The following C19orf84 variants were observed in gnomAD, a reference collection of about 807,000 sequenced individuals.
The protein encoded by C19orf84 is piRNA-mediated silencing protein C19orf84.
A neutral mutation model predicts 4.0 loss-of-function variants in C19orf84; 1 was observed. The ratio of observed to expected loss-of-function variants is 0.25; its 90% CI spans 0.09 to 1.19. The LOEUF (loss-of-function observed/expected upper bound fraction) is 1.19. C19orf84 is among the 50% of genes most tolerant of loss of function. The pLI, the probability that C19orf84 is intolerant of heterozygous loss-of-function variation, is 0.50. For synonymous variants in C19orf84, 123 were observed against 109.6 expected, an observed-to-expected ratio of 1.12 and a Z score of -0.76; for missense variants, 224 against 246.8, an observed-to-expected ratio of 0.91 and a Z score of 0.62.
chr19:51,390,562 C>T lies in C19orf84; in HGVS notation c.-50G>A, dbSNP rs1417630633. The T allele has an allele frequency of 1.0e-5, 15 of 1,506,274 alleles. No individual in the cohort carries two copies. The highest frequency in any genetic ancestry group is 1.2e-5 in the Non-Finnish European group (14 of 1,129,732). 93.3% of individuals were successfully genotyped at this position (1,506,274 alleles called of 1,614,324 possible). ...CTTCTAGCAACTTCGCCTCCGAGAT[C>T]CTTCGGGGGCCCGGGAAGGTTGGGG... On this transcript the variant is annotated 5_prime_UTR_variant, in exon 1 of 2. Coordinates refer to ENST00000574814, the MANE Select transcript of C19orf84 (RefSeq NM_001193623.2).
Position 51,388,824 on chromosome 19 carries a change from C to G in C19orf84, c.*160G>C, listed in dbSNP as rs1371634014. ...ATTCAGGTGACTTAGGTCAGGTTCA[C>G]CAAGTGCCTCACAGGAGCTACTCCT... On this transcript the variant is annotated 3_prime_UTR_variant, in exon 2 of 2. Coordinates refer to ENST00000574814, the MANE Select transcript of C19orf84 (RefSeq NM_001193623.2). The G allele has an allele frequency of 2.2e-5, 17 of 783,946 alleles. No homozygotes were observed. The highest frequency in any genetic ancestry group is 3.0e-5 in the Non-Finnish European group (15 of 505,652). 48.6% of individuals were successfully genotyped at this position (783,946 alleles called of 1,614,324 possible). A position where few individuals can be genotyped will look rare whatever the true frequency, so the allele number is the denominator to read the frequency against.
In C19orf84 at chr19:51,388,711, T is replaced by G; in HGVS notation, c.*273A>C. On this transcript the variant is annotated 3_prime_UTR_variant, in exon 2 of 2. Coordinates refer to ENST00000574814, the MANE Select transcript of C19orf84 (RefSeq NM_001193623.2). ...TTGAGAATGAGGTAAGGATTGTGGT[T>G]GTGGTTGGGGATGGCATTGGGAATG... The G allele has an allele frequency of 5.9e-6, 3 of 507,260 alleles. No individual in the cohort carries two copies. The highest frequency in any genetic ancestry group is 3.5e-6 in the Non-Finnish European group (1 of 283,644). The allele number at this position is 507,260 out of a possible 1,614,324, so 31.4% of individuals were successfully genotyped here. A position where few individuals can be genotyped will look rare whatever the true frequency, so the allele number is the denominator to read the frequency against.
At position 51,390,573 on chromosome 19, in the gene C19orf84, C is replaced by T. The variant is rs1987288302; in HGVS notation, c.-61G>A. Reference sequence around the variant, plus strand: ...TTCGCCTCCGAGATCCTTCGGGGGCCCGGGAAGGTTGGGGAGGGGCCGAGG... The same window carrying T: ...TTCGCCTCCGAGATCCTTCGGGGGCTCGGGAAGGTTGGGGAGGGGCCGAGG... On this transcript the variant is annotated 5_prime_UTR_variant, in exon 1 of 2. Coordinates refer to ENST00000574814, the MANE Select transcript of C19orf84 (RefSeq NM_001193623.2). 1.3e-6 allele frequency: 2 copies of T among 1,495,282 alleles called. No homozygotes were observed. Among genetic ancestry groups the T allele is most frequent in the Non-Finnish European group, 1.8e-6 (2 of 1,122,250 alleles). The allele number at this position is 1,495,282 out of a possible 1,614,324, so 92.6% of individuals were successfully genotyped here.
rs994872836 is a variant in C19orf84 at position 51,389,134 on chromosome 19, C to A, written c.411G>T (p.Ala137=). Residue 137 remains alanine (A), a synonymous_variant, in exon 2 of 2, where the codon GCG becomes GCT. Transcript: ENST00000574814. The surrounding 1 kb of genome is among the most constrained non-coding windows in gnomAD (Gnocchi z 4.7). ...TCCTGGGGCCAGCCCCAGGGCCCCC[C>A]GCCCGGCCCCTCTCTGGCTGCTCAG... ...GRAEQPERGR[A]GGPGAGPRTP... is the part of the protein sequence containing the mutation. 6.5e-7 allele frequency: 1 copy of A among 1,535,878 alleles called. No individual in the cohort carries two copies. Among genetic ancestry groups the A allele is most frequent in the Admixed American group, 2.0e-5 (1 of 50,992 alleles).
At chr19:51,390,398 G>C in intron 1 of C19orf84, 80 bp downstream of exon 1, 1 of 1,412,008 alleles carries the variant, frequency 7.1e-7, no homozygotes, top group Non-Finnish European at 9.4e-7. Flanking sequence ...TGTTCAGCGC[G>C]CCCTTTCTCT....
At position 51,389,302 on chromosome 19, in the gene C19orf84, G is replaced by A. The variant is rs1388040311; in HGVS notation, c.243C>T (p.Ala81=). 2 of 1,536,040 alleles carry A rather than the reference G, an allele frequency of 1.3e-6. No homozygotes were observed. Among genetic ancestry groups the A allele is most frequent in the East Asian group, 2.4e-5 (1 of 40,902 alleles). The change falls in exon 2 of 2, where the codon GCC becomes GCT. Residue 81 remains alanine (A), a synonymous_variant. Coordinates refer to ENST00000574814, the MANE Select transcript of C19orf84 (RefSeq NM_001193623.2). This position sits in a 1 kb window ranked among gnomAD's most constrained non-coding sequence, Gnocchi z 4.7. ...GGGAGCAGCAGGGGCAAGAGGGCAA[G>A]GCCTGTTGGAAGGTGTAGGCCCCCA... The part of the protein sequence containing the change: ...ALLGAYTFQQ[A]LPSCPCCSQA...
rs928225772 is a variant in C19orf84 at position 51,389,525 on chromosome 19, G to T, written c.36-16C>A. On this transcript the variant is annotated splice_polypyrimidine_tract_variant and intron_variant, in intron 1 of 1. Coordinates refer to ENST00000574814, the MANE Select transcript of C19orf84 (RefSeq NM_001193623.2). This position sits in a 1 kb window ranked among gnomAD's most constrained non-coding sequence, Gnocchi z 4.7. ...CAGGTTGTTCCTAGAACAACAAAAA[G>T]ACAGGTCAGTGGGGCTCAGCGTCTC... The T allele has an allele frequency of 5.1e-5, 72 of 1,410,050 alleles. No individual in the cohort carries two copies. In the Middle Eastern group the frequency reaches 6.2e-4, roughly 12 times the overall value. The allele number at this position is 1,410,050 out of a possible 1,614,324, so 87.3% of individuals were successfully genotyped here.
chr19:51,389,274 C>G lies in C19orf84; in HGVS notation c.271G>C (p.Ala91Pro). 6.5e-7 allele frequency: 1 copy of G among 1,535,854 alleles called. No homozygotes were observed. Among genetic ancestry groups the G allele is most frequent in the Non-Finnish European group, 8.7e-7 (1 of 1,146,738 alleles). The change falls in exon 2 of 2, where the codon GCA becomes CCA. Residue 91 changes from alanine to proline, a missense_variant. Coordinates refer to ENST00000574814, the MANE Select transcript of C19orf84 (RefSeq NM_001193623.2). The surrounding 1 kb of genome is among the most constrained non-coding windows in gnomAD (Gnocchi z 4.7). ...ACTGCCCCCGGCTGGGAGTGGCCTG[C>G]CTGGGAGCAGCAGGGGCAAGAGGGC... ...ALPSCPCCSQ[A>P]GHSQPGAVRR...
In C19orf84 at chr19:51,390,574, C is replaced by T. The variant is rs761080951; in HGVS notation, c.-62G>A. Reference sequence around the variant, plus strand: ...TCGCCTCCGAGATCCTTCGGGGGCCCGGGAAGGTTGGGGAGGGGCCGAGGC... The same window carrying T: ...TCGCCTCCGAGATCCTTCGGGGGCCTGGGAAGGTTGGGGAGGGGCCGAGGC... On this transcript the variant is annotated 5_prime_UTR_variant, in exon 1 of 2. Coordinates refer to ENST00000574814, the MANE Select transcript of C19orf84 (RefSeq NM_001193623.2). 3.3e-5 allele frequency: 50 copies of T among 1,492,994 alleles called. No individual in the cohort carries two copies. The highest frequency in any genetic ancestry group is 1.5e-4 in the South Asian group (12 of 79,290). The allele number at this position is 1,492,994 out of a possible 1,614,324, so 92.5% of individuals were successfully genotyped here. A position where few individuals can be genotyped will look rare whatever the true frequency, so the allele number is the denominator to read the frequency against.
intron 1 of C19orf84, among the ~76,000 whole-genome samples, chr19:51,390,136 G>A (rs774317148): frequency 9.2e-5 from 14 of 151,806 alleles, no homozygotes; most frequent in Non-Finnish European, 1.5e-4. Context: ...GCACCACCAC[G>A]CCCGTCTAAT....
rs920762419 is a variant in C19orf84 at position 51,389,655 on chromosome 19, CTT to C, written c.36-148_36-147del. 8.5e-6 allele frequency: 5 copies of C among 587,284 alleles called. No individual in the cohort carries two copies. Among genetic ancestry groups the C allele is most frequent in the African/African-American group, 7.7e-5 (4 of 52,084 alleles). The allele number at this position is 587,284 out of a possible 1,614,324, so 36.4% of individuals were successfully genotyped here. A position where few individuals can be genotyped will look rare whatever the true frequency, so the allele number is the denominator to read the frequency against. On this transcript the variant is annotated intron_variant, in intron 1 of 1. Transcript: ENST00000574814. The surrounding 1 kb of genome is among the most constrained non-coding windows in gnomAD (Gnocchi z 4.7). ...CTGTGACTTCCTCCCCCGCTTCTCT[CTT>C]TTTGTTTCTAACCCGGGTCTCTCTA...
At position 51,388,811 on chromosome 19, in the gene C19orf84, TAGGTC is replaced by T; in HGVS notation, c.*168_*172del. The T allele has an allele frequency of 4.4e-6, 3 of 689,270 alleles. No individual in the cohort carries two copies. Among genetic ancestry groups the T allele is most frequent in the East Asian group, 2.7e-5 (1 of 36,532 alleles). 42.7% of individuals were successfully genotyped at this position (689,270 alleles called of 1,614,324 possible). On this transcript the variant is annotated 3_prime_UTR_variant, in exon 2 of 2. Transcript: ENST00000574814. ...CTTCTCACTTGGGATTCAGGTGACT[TAGGTC>T]AGGTTCACCAAGTGCCTCACAGGAG...
At position 51,388,892 on chromosome 19, in the gene C19orf84, T is replaced by C; in HGVS notation, c.*92A>G. The C allele has an allele frequency of 1.4e-6, 2 of 1,386,826 alleles. No individual in the cohort carries two copies. Among genetic ancestry groups the C allele is most frequent in the East Asian group, 5.0e-5 (2 of 39,916 alleles). 85.9% of individuals were successfully genotyped at this position (1,386,826 alleles called of 1,614,324 possible). ...GAGAGGGGAGGATGGAAGATGTTTC[T>C]TGGGGTTCTTCTGACAGGGCTGAGA... On this transcript the variant is annotated 3_prime_UTR_variant, in exon 2 of 2. Transcript: ENST00000574814.
chr19:51,390,564 T>A lies in C19orf84; in HGVS notation c.-52A>T. 1 of 1,504,972 alleles carries A rather than the reference T, an allele frequency of 6.6e-7. No individual in the cohort carries two copies. Among genetic ancestry groups the A allele is most frequent in the Non-Finnish European group, 8.9e-7 (1 of 1,128,750 alleles). The allele number at this position is 1,504,972 out of a possible 1,614,324, so 93.2% of individuals were successfully genotyped here. A position where few individuals can be genotyped will look rare whatever the true frequency, so the allele number is the denominator to read the frequency against. On this transcript the variant is annotated 5_prime_UTR_variant, in exon 1 of 2. The change creates a new upstream start codon in the 5' untranslated region. Coordinates refer to ENST00000574814, the MANE Select transcript of C19orf84 (RefSeq NM_001193623.2). Reference sequence around the variant, plus strand: ...TCTAGCAACTTCGCCTCCGAGATCCTTCGGGGGCCCGGGAAGGTTGGGGAG... The same window carrying A: ...TCTAGCAACTTCGCCTCCGAGATCCATCGGGGGCCCGGGAAGGTTGGGGAG...
intron 1 of C19orf84, chr19:51,390,252 C>T (rs1275852021): frequency 7.4e-6 from 3 of 404,810 alleles, no homozygotes; most frequent in East Asian, 7.5e-5. Context: ...GCTGGGATTA[C>T]AGGCATAAGC....
Position 51,388,713 on chromosome 19 carries a change from T to G in C19orf84, c.*271A>C. 2.0e-6 allele frequency: 1 copy of G among 509,940 alleles called. No homozygotes were observed. Among genetic ancestry groups the G allele is most frequent in the Non-Finnish European group, 3.5e-6 (1 of 285,094 alleles). The allele number at this position is 509,940 out of a possible 1,614,324, so 31.6% of individuals were successfully genotyped here. A position where few individuals can be genotyped will look rare whatever the true frequency, so the allele number is the denominator to read the frequency against. ...GAGAATGAGGTAAGGATTGTGGTTG[T>G]GGTTGGGGATGGCATTGGGAATGGG... is the stretch of plus-strand genomic sequence containing the variant. On this transcript the variant is annotated 3_prime_UTR_variant, in exon 2 of 2. Transcript: ENST00000574814.
chr19:51,388,887 G>A lies in C19orf84; in HGVS notation c.*97C>T, dbSNP rs1987182055. The A allele has an allele frequency of 1.5e-6, 2 of 1,355,784 alleles. No individual in the cohort carries two copies. The highest frequency in any genetic ancestry group is 1.4e-5 in the South Asian group (1 of 71,088). 84.0% of individuals were successfully genotyped at this position (1,355,784 alleles called of 1,614,324 possible). ...TTGGGGAGAGGGGAGGATGGAAGAT[G>A]TTTCTTGGGGTTCTTCTGACAGGGC... On this transcript the variant is annotated 3_prime_UTR_variant, in exon 2 of 2. Transcript: ENST00000574814.
Position 51,389,588 on chromosome 19 carries a change from ACCTC to A in C19orf84, c.36-83_36-80del. 2 of 1,242,612 alleles carry A rather than the reference ACCTC, an allele frequency of 1.6e-6. No individual in the cohort carries two copies. Among genetic ancestry groups the A allele is most frequent in the Non-Finnish European group, 2.1e-6 (2 of 964,394 alleles). The allele number at this position is 1,242,612 out of a possible 1,614,324, so 77.0% of individuals were successfully genotyped here. A position where few individuals can be genotyped will look rare whatever the true frequency, so the allele number is the denominator to read the frequency against. On this transcript the variant is annotated intron_variant, in intron 1 of 1. Coordinates refer to ENST00000574814, the MANE Select transcript of C19orf84 (RefSeq NM_001193623.2). The surrounding 1 kb of genome is among the most constrained non-coding windows in gnomAD (Gnocchi z 4.7). Reference sequence around the variant, plus strand: ...TTTCTCGCTGCCAGGCTGTCTCTGCACCTCTGCAGAAGGCAGCCATCTCTCCATC... The same window carrying A: ...TTTCTCGCTGCCAGGCTGTCTCTGCATGCAGAAGGCAGCCATCTCTCCATC...
rs914067388 is a variant in C19orf84 at position 51,389,488 on chromosome 19, T to A, written c.57A>T (p.Ser19=). ...GPEGNNLSLP[S]SGTEPWPPAP... is the part of the protein sequence containing the mutation. The stretch of plus-strand genomic sequence containing the variant: ...CAGGGGGCCATGGCTCGGTCCCAGA[T>A]GACGGCAGGGACAGGTTGTTCCTAG... The change falls in exon 2 of 2, where the codon TCA becomes TCT. Residue 19 remains serine, a synonymous_variant. Transcript: ENST00000574814. This position sits in a 1 kb window ranked among gnomAD's most constrained non-coding sequence, Gnocchi z 4.7. The A allele has an allele frequency of 3.5e-6, 5 of 1,430,738 alleles. No homozygotes were observed. The highest frequency in any genetic ancestry group is 2.9e-5 in the African/African-American group (2 of 69,576). The allele number at this position is 1,430,738 out of a possible 1,614,324, so 88.6% of individuals were successfully genotyped here.
Sources: allele counts gnomAD v4.1 joint callset (sites outside exome capture counted in the v4.1 genomes callset), GRCh38; gene constraint gnomAD v4.1.1; non-coding constraint Gnocchi (gnomAD v3.1); transcripts MANE v1.5; gene names NCBI Gene and HGNC (gene_info 2026-07-23, HGNC 2026-07-21).